Variants in WWOX observed in about 807,000 individuals in gnomAD.
The protein encoded by WWOX is WW domain containing oxidoreductase.
A neutral mutation model predicts 46.2 loss-of-function variants in WWOX; 69 were observed. That is an observed-to-expected ratio of 1.49 (90% confidence interval 1.23 to 1.82). The LOEUF (loss-of-function observed/expected upper bound fraction) is 1.82. Among genes scored for constraint, WWOX ranks in the 40% most tolerant of loss-of-function variants. The pLI, the probability that WWOX is intolerant of heterozygous loss-of-function variation, is 0.00. For synonymous variants in WWOX, 359 were observed against 202.6 expected (o/e 1.77, Z -6.56); for missense variants, 919 against 542.6 (o/e 1.69, Z -6.89).
chr16:78,500,435 C>G (rs1213072328), intron 8 of WWOX, among the ~76,000 whole-genome samples: 1 of 150,818 alleles, frequency 6.6e-6, no homozygotes, highest in East Asian at 2.0e-4. Flanking sequence ...TTCCCTTCAT[C>G]TATCTTTGTT....
chr16:78,467,937 A>G (rs1597126982), intron 8 of WWOX, among the ~76,000 whole-genome samples: 1 of 152,080 alleles, frequency 6.6e-6, no homozygotes, highest in East Asian at 1.9e-4. Flanking sequence ...TTCTCACTTC[A>G]TTGTCTTTTT....
rs116477324 is a variant in WWOX at position 78,754,219 on chromosome 16, T to C, written c.1056+321467T>C. 7.1e-3 allele frequency among the ~76,000 whole-genome samples: 1,079 copies of C among 152,188 alleles called. 18 individuals are homozygous for C. Among genetic ancestry groups the C allele is most frequent in the Middle Eastern group, 0.034 (10 of 294 alleles). On this transcript the variant is annotated intron_variant, in intron 8 of 8. Transcript: ENST00000566780. ...GTCTTCACTCGGTGAGGATGGACTT[T>C]AGGATGCCTCACTTCTCTTCCTGAG... is the stretch of plus-strand genomic sequence containing the variant.
intron 8 of WWOX, among the ~76,000 whole-genome samples, chr16:78,514,147 G>A (rs769571569): frequency 1.3e-4 from 20 of 152,116 alleles, no homozygotes; most frequent in Non-Finnish European, 2.1e-4. Context: ...GGCTTCAGAC[G>A]TCAGAAAAAA....
At chr16:78,532,886 C>G (rs559207100) in intron 8 of WWOX, among the ~76,000 whole-genome samples, 115 of 152,254 alleles carry the variant, frequency 7.6e-4, no homozygotes, top group African/African-American at 2.2e-3. Flanking sequence ...ACAGCCAAAC[C>G]ATATCAAAAA....
intron 8 of WWOX, among the ~76,000 whole-genome samples, chr16:78,668,007 G>A (rs1057483774): frequency 2.0e-5 from 3 of 152,074 alleles, no homozygotes; most frequent in African/African-American, 4.8e-5. Context: ...GGCTGGGTGC[G>A]GTGGCTCACA....
intron 8 of WWOX, among the ~76,000 whole-genome samples, chr16:78,715,976 A>G (rs932271586): frequency 2.6e-5 from 4 of 152,210 alleles, no homozygotes; most frequent in Non-Finnish European, 5.9e-5. Context: ...CACCAGAGGT[A>G]TTACAGAGGT....
intron 8 of WWOX, among the ~76,000 whole-genome samples, chr16:79,184,374 A>G (rs1352327471): frequency 6.6e-6 from 1 of 152,202 alleles, no homozygotes; most frequent in Non-Finnish European, 1.5e-5. Context: ...TGTAGGAACA[A>G]AGTGTGTCCA....
chr16:78,112,688 TTC>T (rs2032562766), intron 3 of WWOX, among the ~76,000 whole-genome samples: 1 of 151,992 alleles, frequency 6.6e-6, no homozygotes, highest in African/African-American at 2.4e-5. Context: ...TTTTTTTTTT[TTC>T]CAAGTTTTCT....
intron 8 of WWOX, among the ~76,000 whole-genome samples, chr16:78,576,178 G>A (rs1262001684): frequency 6.6e-6 from 1 of 152,164 alleles, no homozygotes; most frequent in Non-Finnish European, 1.5e-5. Flanking sequence ...CTATGCATTT[G>A]AAAGGGAAGA....
chr16:78,464,743 C>G (rs1225140467), intron 8 of WWOX, among the ~76,000 whole-genome samples: 1 of 152,040 alleles, frequency 6.6e-6, no homozygotes, highest in Non-Finnish European at 1.5e-5. Flanking sequence ...CATAAAGGGC[C>G]CCATTCAGTC....
intron 8 of WWOX, among the ~76,000 whole-genome samples, chr16:78,867,632 C>G (rs763946729): frequency 4.6e-5 from 7 of 151,884 alleles, no homozygotes; most frequent in Non-Finnish European, 8.8e-5. Context: ...CTACAACATC[C>G]CAGGTTCAAG....
intron 6 of WWOX, among the ~76,000 whole-genome samples, chr16:78,423,968 A>G (rs2083014427): frequency 2.0e-5 from 3 of 151,914 alleles, no homozygotes; most frequent in South Asian, 4.2e-4. Context: ...GAAATTCTGT[A>G]TCCTTAAACA....
chr16:79,053,361 T>C (rs1351700819), intron 8 of WWOX, among the ~76,000 whole-genome samples: 1 of 152,228 alleles, frequency 6.6e-6, no homozygotes, highest in East Asian at 1.9e-4. Context: ...GTGGCCCTGC[T>C]TCTTAGTGCG....
rs12149157 is a variant in WWOX, at chr16:78,367,100, C to T, written c.517-19760C>T. Among the ~76,000 whole-genome samples, 1,392 of 151,278 alleles carry T rather than the reference C, an allele frequency of 9.2e-3. 14 individuals carry two copies. The highest frequency in any genetic ancestry group is 0.037 in the Middle Eastern group (11 of 294). ...GTTTACGCCATTCTCCTGCCTCAGC[C>T]TCCTAAGTAGCTGGTACTACAGGTG... On this transcript the variant is annotated intron_variant, in intron 5 of 8. Coordinates refer to ENST00000566780, the MANE Select transcript of WWOX (RefSeq NM_016373.4).
intron 8 of WWOX, among the ~76,000 whole-genome samples, chr16:79,211,032 G>GGTGTGTGTGT (rs1555547718): frequency 6.6e-5 from 2 of 30,458 alleles, no homozygotes; most frequent in Admixed American, 7.3e-4. Flanking sequence ...TGTATGGTGA[G>GGTGTGTGTGT]GAGTGTGTGT....
At chr16:79,135,319 C>G (rs1429484287) in intron 8 of WWOX, among the ~76,000 whole-genome samples, 1 of 152,010 alleles carries the variant, frequency 6.6e-6, no homozygotes, top group Non-Finnish European at 1.5e-5. Context: ...TGTTCTATAC[C>G]TTTCCTTTTC....
At chr16:78,762,031 G>A (rs2049807107) in intron 8 of WWOX, among the ~76,000 whole-genome samples, 1 of 152,178 alleles carries the variant, frequency 6.6e-6, no homozygotes, top group Admixed American at 6.5e-5. Context: ...TTAGATTGAA[G>A]AAATATTACT....
At chr16:78,970,503 C>T (rs1235368259) in intron 8 of WWOX, among the ~76,000 whole-genome samples, 1 of 152,134 alleles carries the variant, frequency 6.6e-6, no homozygotes, top group Non-Finnish European at 1.5e-5. Context: ...AGGGGAGACT[C>T]GACCCAAGGC....
At chr16:79,167,436 C>T (rs566926321) in intron 8 of WWOX, among the ~76,000 whole-genome samples, 3 of 152,100 alleles carry the variant, frequency 2.0e-5, no homozygotes, top group South Asian at 4.2e-4. Flanking sequence ...TGGCTCTGAC[C>T]TTGGAGACAG....
Sources: gnomAD v4.1 joint callset for allele counts (sites outside exome capture counted in the v4.1 genomes callset) on GRCh38, gnomAD v4.1.1 for gene constraint, MANE v1.5 for transcripts, NCBI Gene and HGNC (gene_info 2026-07-23, HGNC 2026-07-21) for gene names.